Variants in CD81 observed in about 807,000 individuals in gnomAD.
The protein encoded by CD81 is CD81 antigen.
Under a neutral mutation model 30.1 loss-of-function variants are expected in CD81, and 10 were observed. The observed-to-expected ratio is 0.33, with a 90% CI of 0.21 to 0.56. CD81 has a LOEUF of 0.56. Among genes scored for constraint, CD81 ranks in the 20% least tolerant of loss-of-function variants. The probability of loss-of-function intolerance (pLI) is 0.89; values close to 1 mark genes in which losing one functional copy is unlikely to be tolerated. For missense variants in CD81, 263 were observed against 308.7 expected (o/e 0.85, Z 1.11); for synonymous variants, 147 against 126.4 (o/e 1.16, Z -1.10).
At chr11:2,395,204 A>C (rs1408283224) in intron 4 of CD81, 158 bp downstream of exon 4, 4 of 743,332 alleles carry the variant, frequency 5.4e-6, no homozygotes, top group African/African-American at 5.2e-5. Context: ...TTTATGGAGG[A>C]GGCAGCATTG....
chr11:2,380,359 G>T (rs1343732137), intron 1 of CD81, among the ~76,000 whole-genome samples: 2 of 151,758 alleles, frequency 1.3e-5, no homozygotes, highest in African/African-American at 4.8e-5. Context: ...AGGCAGCTGG[G>T]GTAGCCTGAC....
intron 3 of CD81, 118 bp from the exon 4 acceptor site, chr11:2,394,854 G>A: frequency 1.1e-6 from 1 of 898,816 alleles, no homozygotes; most frequent in Non-Finnish European, 1.8e-6. Flanking sequence ...GTCAGGTCGT[G>A]GGCTGGTGGC....
At chr11:2,386,820 T>G (rs772394069) in intron 1 of CD81, among the ~76,000 whole-genome samples, 2 of 152,188 alleles carry the variant, frequency 1.3e-5, no homozygotes, top group Non-Finnish European at 2.9e-5. Flanking sequence ...AAAAGTCACA[T>G]GGGCCCTCGG....
intron 1 of CD81, among the ~76,000 whole-genome samples, chr11:2,379,911 G>A (rs1345626171): frequency 6.6e-6 from 1 of 152,166 alleles, no homozygotes; most frequent in African/African-American, 2.4e-5. Context: ...CCTCCACCCT[G>A]GTGTCGCAGG....
chr11:2,387,773 A>G (rs541246387), intron 1 of CD81, among the ~76,000 whole-genome samples: 1 of 152,216 alleles, frequency 6.6e-6, no homozygotes, highest in South Asian at 2.1e-4. Flanking sequence ...GGTGACTCTA[A>G]TGCACCTTCC....
chr11:2,385,994 G>A (rs1330494822), intron 1 of CD81: 2 of 709,276 alleles, frequency 2.8e-6, no homozygotes, highest in Admixed American at 4.0e-5. Context: ...CTGCCAAACT[G>A]TTATTCAAGG....
At chr11:2,382,072 G>A (rs1849713750) in intron 1 of CD81, among the ~76,000 whole-genome samples, 1 of 152,094 alleles carries the variant, frequency 6.6e-6, no homozygotes, top group African/African-American at 2.4e-5. Context: ...CCCCAGTGCT[G>A]GAGGAGTCCC....
At position 2,395,534 on chromosome 11, in the gene CD81, G is replaced by A. The variant is rs1328489862; in HGVS notation, c.459+14G>A. The A allele has an allele frequency of 2.5e-6, 4 of 1,603,582 alleles. No homozygotes were observed. Among genetic ancestry groups the A allele is most frequent in the South Asian group, 1.1e-5 (1 of 90,880 alleles). The stretch of plus-strand genomic sequence containing the variant: ...TTCCACGAGACGGTGCGGCCCCGGG[G>A]GGCGAGGGCGGGGAGCAGGGCCCCG... On this transcript the variant is annotated intron_variant, in intron 5 of 7. Transcript: ENST00000263645.
chr11:2,387,627 G>A (rs1849819783), intron 1 of CD81, among the ~76,000 whole-genome samples: 1 of 152,058 alleles, frequency 6.6e-6, no homozygotes, highest in Admixed American at 6.5e-5. Context: ...GAAGAACCAG[G>A]AGCTGTCTGC....
chr11:2,393,627 G>A, intron 2 of CD81: 2 of 533,288 alleles, frequency 3.8e-6, no homozygotes, highest in Non-Finnish European at 3.4e-6. Context: ...TCCAGTTCCG[G>A]TTCCTGGGCT....
At chr11:2,391,867 A>T (rs1189851970) in intron 2 of CD81, 1 of 152,148 alleles carries the variant, frequency 6.6e-6, no homozygotes, top group Non-Finnish European at 1.5e-5. Flanking sequence ...GAGCCCGGCC[A>T]GCATCCTCCG....
At chr11:2,382,906 G>A (rs1322940194) in intron 1 of CD81, among the ~76,000 whole-genome samples, 1 of 152,198 alleles carries the variant, frequency 6.6e-6, no homozygotes. Context: ...GGGCTTAGAG[G>A]CTTAGAGTAG....
intron 1 of CD81, chr11:2,390,023 A>G (rs940307680): frequency 2.5e-5 from 9 of 359,682 alleles, no homozygotes; most frequent in Non-Finnish European, 4.3e-5. Flanking sequence ...CATCCAATTC[A>G]CCTTGAACTT....
In CD81 at chr11:2,395,899, G is replaced by T; in HGVS notation, c.490G>T (p.Ala164Ser). 1.9e-6 allele frequency: 3 copies of T among 1,612,316 alleles called. No individual in the cohort carries two copies. The highest frequency in any genetic ancestry group is 1.7e-6 in the Non-Finnish European group (2 of 1,179,638). The change falls in exon 6 of 8, where the codon GCT becomes TCT. Residue 164 changes from alanine to serine, a missense_variant. Coordinates refer to ENST00000263645, the MANE Select transcript of CD81 (RefSeq NM_004356.4). ...LDCCGSSTLT[A>S]LTTSVLKNNL... ...CTGCTGTGGCTCCAGCACACTGACT[G>T]CTTTGACCACCTCAGTGCTCAAGAA...
Position 2,395,415 on chromosome 11 carries a change from G to C in CD81, c.355-1G>C. On this transcript the variant is annotated splice_acceptor_variant, in intron 4 of 7. Transcript: ENST00000263645. LOFTEE classifies it high-confidence loss of function. ...TGCATGTGACCGCACCCCTCCCCCA[G>C]ATCGCCAAGGATGTGAAGCAGTTCT... 6.2e-7 allele frequency: 1 copy of C among 1,611,764 alleles called. No individual in the cohort carries two copies. Among genetic ancestry groups the C allele is most frequent in the Non-Finnish European group, 8.5e-7 (1 of 1,179,060 alleles).
intron 2 of CD81, 162 bp from the exon 3 acceptor site, chr11:2,393,933 C>T: frequency 7.1e-6 from 5 of 708,370 alleles, no homozygotes; most frequent in Non-Finnish European, 1.3e-5. Context: ...ACTCACCAGG[C>T]CAGGCTGGGA....
chr11:2,390,588 G>A (rs1849881478), intron 2 of CD81, 62 bp downstream of exon 2: 3 of 1,211,398 alleles, frequency 2.5e-6, no homozygotes, highest in African/African-American at 1.5e-5. Flanking sequence ...GCAGGTCCTA[G>A]CCTTTTGGAT....
intron 1 of CD81, chr11:2,390,074 T>G: frequency 4.6e-6 from 2 of 432,740 alleles, no homozygotes; most frequent in Non-Finnish European, 8.7e-6. Flanking sequence ...TCCCGTGCAA[T>G]ATTTGGGACA....
At chr11:2,390,557 A>G (rs775074562) in intron 2 of CD81, 31 bp downstream of exon 2, 3 of 1,494,670 alleles carry the variant, frequency 2.0e-6, no homozygotes, top group Non-Finnish European at 2.8e-6. Context: ...AGACGCATTC[A>G]GGGAGGGCTT....
Sources: gnomAD v4.1 joint callset for allele counts (sites outside exome capture counted in the v4.1 genomes callset) on GRCh38, gnomAD v4.1.1 for gene constraint, MANE v1.5 for transcripts, NCBI Gene and HGNC (gene_info 2026-07-23, HGNC 2026-07-21) for gene names.